The following RBMS3 variants were observed in gnomAD, a reference collection of about 807,000 sequenced individuals.
RBMS3 encodes RNA-binding motif, single-stranded-interacting protein 3.
Under a neutral mutation model 66.8 loss-of-function variants are expected in RBMS3, and 27 were observed. The ratio of observed to expected loss-of-function variants is 0.40; its 90% CI spans 0.30 to 0.56. The LOEUF is 0.56. Among genes scored for constraint, RBMS3 ranks in the 20% least tolerant of loss-of-function variants. The pLI is 0.40. For missense variants in RBMS3, 513 were observed against 549.5 expected, an observed-to-expected ratio of 0.93 and a Z score of 0.66; for synonymous variants, 188 against 183.0, an observed-to-expected ratio of 1.03 and a Z score of -0.22.
intron 3 of RBMS3, among the ~76,000 whole-genome samples, chr3:29,548,320 C>T (rs1168178093): frequency 6.6e-6 from 1 of 151,970 alleles, no homozygotes; most frequent in Non-Finnish European, 1.5e-5. Flanking sequence ...GGTCTAGCTA[C>T]TCAGGAGGCT....
chr3:29,830,954 G>A (rs75566141), intron 6 of RBMS3, among the ~76,000 whole-genome samples: 6,841 of 152,118 alleles, frequency 0.045, 192 homozygotes, highest in East Asian at 0.13. Context: ...CTTAAAGAAG[G>A]GATATACAGA....
At chr3:29,374,892 T>A (rs2038387747) in intron 1 of RBMS3, among the ~76,000 whole-genome samples, 1 of 152,234 alleles carries the variant, frequency 6.6e-6, no homozygotes, top group Admixed American at 6.5e-5. Flanking sequence ...GACAACTATA[T>A]AATGAGGTGC....
intron 1 of RBMS3, among the ~76,000 whole-genome samples, chr3:29,285,145 C>T (rs1223867557): frequency 6.7e-6 from 1 of 148,468 alleles, no homozygotes; most frequent in East Asian, 2.0e-4. Flanking sequence ...TATTTTATCA[C>T]CCTTTCCAAA....
intron 7 of RBMS3, among the ~76,000 whole-genome samples, chr3:29,882,394 T>A (rs150756938): frequency 1.3e-3 from 195 of 152,274 alleles, no homozygotes; most frequent in Non-Finnish European, 2.2e-3. Flanking sequence ...TGTCATATTA[T>A]CAGTTGCATA....
chr3:29,594,641 G>T (rs1451930659), intron 4 of RBMS3, among the ~76,000 whole-genome samples: 2 of 152,070 alleles, frequency 1.3e-5, no homozygotes, highest in Non-Finnish European at 2.9e-5. Context: ...TTCTGTAAAA[G>T]AAATACTTAC....
chr3:29,286,001 T>C (rs751179455), intron 1 of RBMS3, among the ~76,000 whole-genome samples: 4 of 152,170 alleles, frequency 2.6e-5, no homozygotes, highest in Non-Finnish European at 5.9e-5. Flanking sequence ...TGCATTGATA[T>C]CCAGTTGGTA....
Position 29,922,418 on chromosome 3 carries a change from C to G in RBMS3, c.940-13668C>G, listed in dbSNP as rs1370650323. ...AGGAGAATGGCGTGAACCCGGGAAG[C>G]GGAGCTTTCAGTGAGCCGAGATTGC... On this transcript the variant is annotated intron_variant, in intron 10 of 14. Coordinates refer to ENST00000383767, the MANE Select transcript of RBMS3 (RefSeq NM_001003793.3). Among the ~76,000 whole-genome samples the G allele has an allele frequency of 2.1e-5, 3 of 144,548 alleles. No individual in the cohort carries two copies. In the South Asian group the frequency reaches 6.4e-4, roughly 31 times the overall value. 94.8% of individuals were successfully genotyped at this position (144,548 alleles called of 152,430 possible). A position where few individuals can be genotyped will look rare whatever the true frequency, so the allele number is the denominator to read the frequency against.
intron 4 of RBMS3, among the ~76,000 whole-genome samples, chr3:29,592,073 A>C (rs1046777411): frequency 1.3e-5 from 2 of 151,370 alleles, no homozygotes; most frequent in Non-Finnish European, 2.9e-5. Flanking sequence ...AATGACCTTG[A>C]CAGTAGTTGT....
intron 4 of RBMS3, among the ~76,000 whole-genome samples, chr3:29,643,951 G>C (rs1214073124): frequency 6.6e-6 from 1 of 152,126 alleles, no homozygotes; most frequent in Non-Finnish European, 1.5e-5. Flanking sequence ...TTTCATATTA[G>C]TCCTGTAAAG....
chr3:29,675,496 C>T (rs2051205229), intron 4 of RBMS3, among the ~76,000 whole-genome samples: 1 of 152,146 alleles, frequency 6.6e-6, no homozygotes, highest in Non-Finnish European at 1.5e-5. Flanking sequence ...AGGCTACTTA[C>T]AGAATGGGAG....
intron 3 of RBMS3, among the ~76,000 whole-genome samples, chr3:29,543,539 A>G (rs901201404): frequency 6.6e-6 from 1 of 152,036 alleles, no homozygotes; most frequent in Non-Finnish European, 1.5e-5. Flanking sequence ...TGAGACCCCC[A>G]TCACTACTAA....
intron 6 of RBMS3, among the ~76,000 whole-genome samples, chr3:29,795,034 C>G (rs1309944366): frequency 2.0e-5 from 3 of 152,100 alleles, no homozygotes; most frequent in Admixed American, 2.0e-4. Flanking sequence ...TTGTTATTAC[C>G]AGACCCCATC....
At chr3:29,492,186 G>T (rs769845159) in intron 3 of RBMS3, among the ~76,000 whole-genome samples, 11 of 152,208 alleles carry the variant, frequency 7.2e-5, no homozygotes, top group Middle Eastern at 3.4e-3. Context: ...TGGGGGAGGT[G>T]CCCTGTAAGT....
intron 2 of RBMS3, among the ~76,000 whole-genome samples, chr3:29,466,211 G>A (rs978547200): frequency 6.6e-6 from 1 of 151,840 alleles, no homozygotes; most frequent in South Asian, 2.1e-4. Context: ...AAAGACTATA[G>A]ATATGTAACA....
chr3:29,562,703 C>A (rs141639565), intron 3 of RBMS3, among the ~76,000 whole-genome samples: 82 of 152,256 alleles, frequency 5.4e-4, no homozygotes, highest in African/African-American at 1.9e-3. Context: ...GGAGGATCTG[C>A]CGGTATCACC....
chr3:29,941,849 G>A (rs2061401158), intron 11 of RBMS3, among the ~76,000 whole-genome samples: 1 of 151,676 alleles, frequency 6.6e-6, no homozygotes, highest in Non-Finnish European at 1.5e-5. Flanking sequence ...ATCAAATAAA[G>A]CTATCAAAAT....
intron 6 of RBMS3, among the ~76,000 whole-genome samples, chr3:29,836,095 A>G (rs1244006199): frequency 6.6e-6 from 1 of 152,028 alleles, no homozygotes; most frequent in Non-Finnish European, 1.5e-5. Context: ...TAGACCAATA[A>G]CAATTACAGA....
chr3:29,857,353 A>G (rs2059104115), intron 6 of RBMS3, among the ~76,000 whole-genome samples: 1 of 151,970 alleles, frequency 6.6e-6, no homozygotes, highest in Non-Finnish European at 1.5e-5. Context: ...ACATTAAAAG[A>G]TTCCTCCCTA....
intron 4 of RBMS3, among the ~76,000 whole-genome samples, chr3:29,603,665 C>G (rs2048225801): frequency 6.6e-6 from 1 of 151,938 alleles, no homozygotes; most frequent in Admixed American, 6.6e-5. Flanking sequence ...AAAGCATATG[C>G]ATAGACTGCT....
Sources: gnomAD v4.1 joint callset for allele counts (sites outside exome capture counted in the v4.1 genomes callset) on GRCh38, gnomAD v4.1.1 for gene constraint, MANE v1.5 for transcripts, NCBI Gene and HGNC (gene_info 2026-07-23, HGNC 2026-07-21) for gene names.